The following SDK2 variants were observed in gnomAD, a reference collection of about 807,000 sequenced individuals.
SDK2 encodes the protein protein sidekick-2.
SDK2 carries 105 observed loss-of-function variants against 253.9 expected under a neutral mutation model. The ratio of observed to expected loss-of-function variants is 0.41; its 90% CI spans 0.35 to 0.49. The LOEUF is 0.49. Among genes scored for constraint, SDK2 ranks in the 20% least tolerant of loss-of-function variants. SDK2 has a pLI of 0.06. For synonymous variants in SDK2, 1,249 were observed against 1,234.9 expected (o/e 1.01, Z -0.24); for missense variants, 2,608 against 3,003.0 (o/e 0.87, Z 3.07).
At position 73,431,628 on chromosome 17, in the gene SDK2, A is replaced by G. The variant is rs755887368; in HGVS notation, c.1354T>C (p.Phe452Leu). The change falls in exon 11 of 45, where the codon TTC becomes CTC. Residue 452 changes from phenylalanine (F) to leucine (L), a missense_variant. By Grantham distance (22) the Phe-to-Leu change is conservative (BLOSUM62 0). Around this residue, in one of 2 missense-constraint regions of SDK2, gnomAD observed 1,505 missense variants for 1,859.1 expected, o/e 0.81. Transcript: ENST00000392650. The surrounding 1 kb of genome is among the most constrained non-coding windows in gnomAD (Gnocchi z 5.6). ...AGGCTGCCCGACTCCAGGGGTGTGA[A>G]GCGAGGCAGCTGCACAGAGCCACTG... is the stretch of plus-strand genomic sequence containing the variant. ...LASGSVQLPR[F>L]TPLESGSLLI... The G allele has an allele frequency of 1.2e-6, 2 of 1,613,080 alleles. No individual in the cohort carries two copies. Among genetic ancestry groups the G allele is most frequent in the Non-Finnish European group, 1.7e-6 (2 of 1,179,528 alleles).
At chr17:73,539,477 A>T (rs1482677037) in intron 1 of SDK2, among the ~76,000 whole-genome samples, 2 of 137,198 alleles carry the variant, frequency 1.5e-5, no homozygotes, top group Non-Finnish European at 3.1e-5. Context: ...CCAGATGGGG[A>T]CGCTGATGGG....
chr17:73,447,364 G>A lies in SDK2; in HGVS notation c.613+251C>T, dbSNP rs959500059. 2.0e-4 allele frequency among the ~76,000 whole-genome samples: 30 copies of A among 152,060 alleles called. No homozygotes were observed. Among genetic ancestry groups the A allele is most frequent in the African/African-American group, 6.5e-4 (27 of 41,390 alleles). ...GTAGCCCTGCTAACAGTTGTGCTAA[G>A]CATCCTCTCTACCGATGCAGGATCT... On this transcript the variant is annotated intron_variant, in intron 5 of 44. Coordinates refer to ENST00000392650, the MANE Select transcript of SDK2 (RefSeq NM_001144952.2). This position sits in a 1 kb window ranked among gnomAD's most constrained non-coding sequence, Gnocchi z 4.0.
At chr17:73,622,799 T>C (rs1408884973) in intron 1 of SDK2, among the ~76,000 whole-genome samples, 1 of 152,250 alleles carries the variant, frequency 6.6e-6, no homozygotes, top group Non-Finnish European at 1.5e-5. Context: ...TGCATGCGCA[T>C]GATTGGGGCT....
At chr17:73,347,677 G>A (rs1034110361) in intron 44 of SDK2, among the ~76,000 whole-genome samples, 2 of 152,168 alleles carry the variant, frequency 1.3e-5, no homozygotes, top group Non-Finnish European at 1.5e-5. Context: ...GTGGGATGCA[G>A]TGGCCTTTCG....
intron 3 of SDK2, among the ~76,000 whole-genome samples, chr17:73,463,956 A>G (rs1324191845): frequency 1.3e-5 from 2 of 152,162 alleles, no homozygotes; most frequent in Non-Finnish European, 2.9e-5. Context: ...GTTGGTATCA[A>G]TTTACCAACT....
At chr17:73,354,213 A>G (rs1410997886) in intron 40 of SDK2, among the ~76,000 whole-genome samples, 3 of 152,090 alleles carry the variant, frequency 2.0e-5, no homozygotes, top group African/African-American at 7.2e-5. Flanking sequence ...AGCCAACAGG[A>G]AAAATTTGGG....
At chr17:73,436,028 A>ACAGGTG (rs2063365568) in intron 8 of SDK2, among the ~76,000 whole-genome samples, 2 of 152,116 alleles carry the variant, frequency 1.3e-5, no homozygotes, top group South Asian at 4.1e-4. Flanking sequence ...TGCTAGGATG[A>ACAGGTG]CAGGTGTGAG....
intron 2 of SDK2, among the ~76,000 whole-genome samples, chr17:73,507,056 C>A (rs1005206681): frequency 1.3e-5 from 2 of 152,254 alleles, no homozygotes; most frequent in African/African-American, 4.8e-5. Flanking sequence ...TCCATTGGAC[C>A]CAGGCCCCAC....
chr17:73,420,225 C>A (rs2063218391), intron 15 of SDK2, among the ~76,000 whole-genome samples: 1 of 152,268 alleles, frequency 6.6e-6, no homozygotes, highest in Non-Finnish European at 1.5e-5. Context: ...CTTTTCACAT[C>A]ACGGACACGT....
intron 1 of SDK2, among the ~76,000 whole-genome samples, chr17:73,553,053 T>A (rs2045088012): frequency 6.6e-6 from 1 of 152,220 alleles, no homozygotes; most frequent in Non-Finnish European, 1.5e-5. Context: ...AGCGTCACGC[T>A]GCTTCTCTGG....
rs201327433 is a variant in SDK2, at chr17:73,643,862, C to CA, written c.64+162dup. Among the ~76,000 whole-genome samples the CA allele has an allele frequency of 8.4e-3, 1,276 of 152,234 alleles. 9 individuals are homozygous for CA. Among genetic ancestry groups the CA allele is most frequent in the African/African-American group, 0.029 (1,216 of 41,538 alleles). ...GACTGCCCCACCCCCAAAAGAGCCC[C>CA]AAAACTTGGGAGATGGGGTGTCTTG... On this transcript the variant is annotated intron_variant, in intron 1 of 44. Transcript: ENST00000392650. This position sits in a 1 kb window ranked among gnomAD's most constrained non-coding sequence, Gnocchi z 6.9.
chr17:73,338,344 C>T lies in SDK2; in HGVS notation c.*243G>A. On this transcript the variant is annotated 3_prime_UTR_variant, in exon 45 of 45. Transcript: ENST00000392650. The surrounding 1 kb of genome is among the most constrained non-coding windows in gnomAD (Gnocchi z 5.0). The stretch of plus-strand genomic sequence containing the variant: ...CACTTCCCCAGCTCCGTGTAATTCC[C>T]AAGGGAGCAGTGAACCCCACCATCT... 1.5e-6 allele frequency: 1 copy of T among 658,298 alleles called. No homozygotes were observed. Among genetic ancestry groups the T allele is most frequent in the South Asian group, 1.5e-5 (1 of 66,322 alleles). The allele number at this position is 658,298 out of a possible 1,614,324, so 40.8% of individuals were successfully genotyped here. A position where few individuals can be genotyped will look rare whatever the true frequency, so the allele number is the denominator to read the frequency against.
At chr17:73,622,124 T>G (rs921258320) in intron 1 of SDK2, among the ~76,000 whole-genome samples, 4 of 152,224 alleles carry the variant, frequency 2.6e-5, no homozygotes, top group African/African-American at 9.6e-5. Flanking sequence ...CCTACCATAG[T>G]GTATGGGGAA....
intron 1 of SDK2, among the ~76,000 whole-genome samples, chr17:73,633,907 G>A (rs1275313212): frequency 1.3e-5 from 2 of 152,152 alleles, no homozygotes; most frequent in Admixed American, 1.3e-4. Flanking sequence ...GTGCTATTGG[G>A]CTGGCAGGGT....
At position 73,602,702 on chromosome 17, in the gene SDK2, G is replaced by T. The variant is rs116298774; in HGVS notation, c.64+41323C>A. Among the ~76,000 whole-genome samples the T allele has an allele frequency of 3.7e-3, 564 of 152,016 alleles. 2 individuals carry two copies. Among genetic ancestry groups the T allele is most frequent in the African/African-American group, 0.013 (542 of 41,470 alleles). On this transcript the variant is annotated intron_variant, in intron 1 of 44. Transcript: ENST00000392650. ...AAGTGAGAATGTTGATTTAAAGCAG[G>T]GTTTCTCAACCCTGGCGCTATTTTG...
chr17:73,627,503 G>A (rs1446034462), intron 1 of SDK2, among the ~76,000 whole-genome samples: 5 of 152,290 alleles, frequency 3.3e-5, no homozygotes, highest in Non-Finnish European at 1.5e-5. Flanking sequence ...GCCACAGGGA[G>A]CAGGAGGCCC....
chr17:73,630,607 C>T (rs755335135), intron 1 of SDK2, among the ~76,000 whole-genome samples: 10 of 152,250 alleles, frequency 6.6e-5, no homozygotes, highest in East Asian at 5.8e-4. Context: ...ACCCAGGACC[C>T]CTCAAGATCT....
intron 1 of SDK2, among the ~76,000 whole-genome samples, chr17:73,545,099 G>GCACACACACACACACACACACACACA (rs58966207): frequency 0.01 from 1,484 of 145,712 alleles, 22 homozygotes; most frequent in African/African-American, 0.021. Flanking sequence ...GCACGTGCAC[G>GCACACACACACACACACACACACACA]CACACACACA....
chr17:73,470,791 T>G lies in SDK2; in HGVS notation c.331+1321A>C, dbSNP rs531962000. Reference sequence around the variant, plus strand: ...TAGAAGCATGCTCCCATGAGCTCCATATGAGAGGGTGCCTTAACAAAAATT... The same window carrying G: ...TAGAAGCATGCTCCCATGAGCTCCAGATGAGAGGGTGCCTTAACAAAAATT... On this transcript the variant is annotated intron_variant, in intron 3 of 44. Transcript: ENST00000392650. Among the ~76,000 whole-genome samples, 3 of 152,328 alleles carry G rather than the reference T, an allele frequency of 2.0e-5. No individual in the cohort carries two copies. In the South Asian group the frequency reaches 6.2e-4, roughly 32 times the overall value.
Sources: gnomAD v4.1 joint callset for allele counts (sites outside exome capture counted in the v4.1 genomes callset) on GRCh38, gnomAD v4.1.1 for gene constraint, gnomAD v4.1.1 regional missense constraint, Gnocchi (gnomAD v3.1) non-coding constraint, MANE v1.5 for transcripts, NCBI Gene and HGNC (gene_info 2026-07-23, HGNC 2026-07-21) for gene names.